Variants in BICDL1 observed in about 807,000 individuals in gnomAD.
BICDL1 encodes the protein BICD family-like cargo adapter 1.
A neutral mutation model predicts 76.8 loss-of-function variants in BICDL1; 20 were observed. That is an observed-to-expected ratio of 0.26 (90% confidence interval 0.18 to 0.38). BICDL1 has a LOEUF of 0.38. Among genes scored for constraint, BICDL1 ranks in the 10% least tolerant of loss-of-function variants. The pLI, the probability that BICDL1 is intolerant of heterozygous loss-of-function variation, is 1.00. For synonymous variants in BICDL1, 383 were observed against 337.1 expected, an observed-to-expected ratio of 1.14 and a Z score of -1.49; for missense variants, 700 against 798.6, an observed-to-expected ratio of 0.88 and a Z score of 1.49.
intron 2 of BICDL1, among the ~76,000 whole-genome samples, chr12:120,041,458 G>T (rs1952640120): frequency 6.6e-6 from 1 of 152,146 alleles, no homozygotes; most frequent in Non-Finnish European, 1.5e-5. Flanking sequence ...CTATGTGCCT[G>T]GCTCACTTCC....
chr12:120,022,236 GA>G (rs1044753839), intron 2 of BICDL1, among the ~76,000 whole-genome samples: 1 of 150,000 alleles, frequency 6.7e-6, no homozygotes, highest in African/African-American at 2.4e-5. Flanking sequence ...CAGCTTCACA[GA>G]AAAGCAGAAA....
chr12:120,072,361 AT>A, intron 5 of BICDL1, 149 bp from the exon 6 acceptor site: 1 of 667,304 alleles, frequency 1.5e-6, no homozygotes. Flanking sequence ...CTTGGGACAA[AT>A]GAGTTAAAAA....
chr12:120,057,315 A>G (rs1952996088), intron 2 of BICDL1: 1 of 307,304 alleles, frequency 3.3e-6, no homozygotes, highest in Non-Finnish European at 6.3e-6. Context: ...ATTTGATTCA[A>G]TTTTTTGTCT....
intron 2 of BICDL1, among the ~76,000 whole-genome samples, chr12:120,000,114 G>A (rs1171126559): frequency 3.3e-5 from 5 of 152,236 alleles, no homozygotes; most frequent in Non-Finnish European, 7.3e-5. Flanking sequence ...CACCAATGGG[G>A]AAGGGAGGAG....
At chr12:120,004,121 G>T (rs1464364186) in intron 2 of BICDL1, among the ~76,000 whole-genome samples, 1 of 152,158 alleles carries the variant, frequency 6.6e-6, no homozygotes, top group Middle Eastern at 3.2e-3. Context: ...AGCCCTGATG[G>T]CTTCTTCAAG....
intron 4 of BICDL1, among the ~76,000 whole-genome samples, chr12:120,068,570 C>T (rs964382090): frequency 2.6e-5 from 4 of 152,228 alleles, no homozygotes; most frequent in African/African-American, 9.6e-5. Context: ...AATCCCAGCA[C>T]TTTGGGAAGC....
intron 4 of BICDL1, among the ~76,000 whole-genome samples, chr12:120,069,024 G>A (rs1227470194): frequency 2.0e-5 from 3 of 152,112 alleles, no homozygotes; most frequent in African/African-American, 4.8e-5. Flanking sequence ...TACCACTGGC[G>A]TCATTCCCCT....
At chr12:120,010,060 C>T (rs193198067) in intron 2 of BICDL1, among the ~76,000 whole-genome samples, 3 of 152,308 alleles carry the variant, frequency 2.0e-5, no homozygotes, top group Admixed American at 2.0e-4. Context: ...TCATCATGAA[C>T]CCTCTTGAGA....
At chr12:120,091,744 T>C in intron 9 of BICDL1, 27 of 985,392 alleles carry the variant, frequency 2.7e-5, no homozygotes, top group Non-Finnish European at 3.3e-5. Flanking sequence ...AAGGCCCCTT[T>C]GTTTCATGCT....
intron 1 of BICDL1, among the ~76,000 whole-genome samples, chr12:119,997,987 T>C (rs1951685458): frequency 6.6e-6 from 1 of 152,094 alleles, no homozygotes; most frequent in Non-Finnish European, 1.5e-5. Context: ...CATGGCGCAT[T>C]CCTGTAATTC....
intron 2 of BICDL1, among the ~76,000 whole-genome samples, chr12:120,054,274 C>T (rs1952928855): frequency 6.6e-6 from 1 of 151,896 alleles, no homozygotes. Context: ...AGAGTTTCTG[C>T]ATGTTGGCCA....
intron 2 of BICDL1, among the ~76,000 whole-genome samples, chr12:120,004,347 T>A (rs1337152277): frequency 6.6e-6 from 1 of 152,126 alleles, no homozygotes; most frequent in Non-Finnish European, 1.5e-5. Context: ...TGGGTATTAC[T>A]CCCTAATACC....
At position 120,092,941 on chromosome 12, in the gene BICDL1, C is replaced by T. The variant is rs1875107629; in HGVS notation, c.1705-59C>T. 29 of 1,494,884 alleles carry T rather than the reference C, an allele frequency of 1.9e-5. 1 individual carries two copies. The South Asian group carries it at 4.0e-4, about 20-fold the overall frequency. The allele number at this position is 1,494,884 out of a possible 1,614,324, so 92.6% of individuals were successfully genotyped here. The stretch of plus-strand genomic sequence containing the variant: ...CTGATGTTCCCACCTCCCTGTCCAG[C>T]CCCAGGGTTAGGTGAGAGCAGCTAC... On this transcript the variant is annotated intron_variant, in intron 9 of 9. Coordinates refer to ENST00000548673, the MANE Select transcript of BICDL1 (RefSeq NM_001367886.1).
In BICDL1 at chr12:120,079,527, G is replaced by A. The variant is rs927605643; in HGVS notation, c.1453-1360G>A. ...CTCCCTTGGAAAAATGTCAAAGTAT[G>A]TGTAATATTTAACATGAAGGCAGGG... On this transcript the variant is annotated intron_variant, in intron 7 of 9. Transcript: ENST00000548673. This position sits in a 1 kb window ranked among gnomAD's most constrained non-coding sequence, Gnocchi z 4.3. Among the ~76,000 whole-genome samples the A allele has an allele frequency of 1.3e-5, 2 of 152,166 alleles. No individual in the cohort carries two copies. Among genetic ancestry groups the A allele is most frequent in the African/African-American group, 4.8e-5 (2 of 41,434 alleles).
At chr12:120,089,455 G>A (rs1183760378) in intron 8 of BICDL1, among the ~76,000 whole-genome samples, 4 of 152,138 alleles carry the variant, frequency 2.6e-5, no homozygotes, top group South Asian at 4.1e-4. Flanking sequence ...GTGCAATCTC[G>A]GCTCACTGCA....
At chr12:120,078,313 A>G (rs1873721872) in intron 7 of BICDL1, among the ~76,000 whole-genome samples, 1 of 152,252 alleles carries the variant, frequency 6.6e-6, no homozygotes, top group Non-Finnish European at 1.5e-5. Context: ...CAGCTAGTAC[A>G]GTGCCTTGCT....
At chr12:120,047,673 G>GT (rs964158965) in intron 2 of BICDL1, among the ~76,000 whole-genome samples, 9 of 151,452 alleles carry the variant, frequency 5.9e-5, no homozygotes, top group Non-Finnish European at 1.2e-4. Flanking sequence ...TTGAAAGGTA[G>GT]TTTTTTTTTA....
intron 9 of BICDL1, chr12:120,091,373 G>C: frequency 9.9e-7 from 1 of 1,011,424 alleles, no homozygotes; most frequent in Non-Finnish European, 1.2e-6. Flanking sequence ...TTTTCAGTGT[G>C]CCAAACAAAA....
At chr12:120,011,207 C>T (rs1430947633) in intron 2 of BICDL1, among the ~76,000 whole-genome samples, 1 of 152,158 alleles carries the variant, frequency 6.6e-6, no homozygotes, top group Non-Finnish European at 1.5e-5. Context: ...TTTCTGTGGG[C>T]TATGCCTGGA....
Sources: gnomAD v4.1 joint callset for allele counts (sites outside exome capture counted in the v4.1 genomes callset) on GRCh38, gnomAD v4.1.1 for gene constraint, Gnocchi (gnomAD v3.1) non-coding constraint, MANE v1.5 for transcripts, NCBI Gene and HGNC (gene_info 2026-07-23, HGNC 2026-07-21) for gene names.